Variants in SLC2A9 observed in about 807,000 individuals in gnomAD.
The protein encoded by SLC2A9 is solute carrier family 2 member 9, also known as solute carrier family 2, facilitated glucose transporter member 9.
In SLC2A9, 39 loss-of-function variants were observed where a neutral mutation model predicts 50.6. That is an observed-to-expected ratio of 0.77 (90% CI 0.60 to 1.01). The LOEUF (loss-of-function observed/expected upper bound fraction) is 1.01. Ranked by LOEUF, SLC2A9 falls within the 50% of genes least tolerant of loss-of-function variation. The probability of loss-of-function intolerance (pLI) is 0.00; values close to 1 mark genes in which losing one functional copy is unlikely to be tolerated. For synonymous variants in SLC2A9, 324 were observed against 276.9 expected, an observed-to-expected ratio of 1.17 and a Z score of -1.69; for missense variants, 686 against 677.6, an observed-to-expected ratio of 1.01 and a Z score of -0.14.
rs79040444 is a variant in SLC2A9, at chr4:10,012,397, T to C, written c.249+6578A>G. Among the ~76,000 whole-genome samples the C allele has an allele frequency of 4.0e-3, 606 of 152,320 alleles. 5 individuals are homozygous for C. Among genetic ancestry groups the C allele is most frequent in the African/African-American group, 0.014 (564 of 41,562 alleles). On this transcript the variant is annotated intron_variant, in intron 2 of 11. Transcript: ENST00000264784. ...CTCACTTTAAATTTAAATTTATCCA[T>C]TTGCTCATTTAGCAAATATTTTTTA... is the stretch of plus-strand genomic sequence containing the variant.
At chr4:9,819,264 C>T (rs1724071072) in intron 3 of SLC2A9, among the ~76,000 whole-genome samples, 1 of 152,112 alleles carries the variant, frequency 6.6e-6, no homozygotes, top group Non-Finnish European at 1.5e-5. Flanking sequence ...CACTCTGCTA[C>T]TCCACTGGCT....
At chr4:9,923,566 C>T (rs1240889887) in intron 6 of SLC2A9, among the ~76,000 whole-genome samples, 1 of 152,134 alleles carries the variant, frequency 6.6e-6, no homozygotes, top group East Asian at 1.9e-4. Context: ...CGGCACAGCA[C>T]GGCATGGCAC....
intron 11 of SLC2A9, among the ~76,000 whole-genome samples, chr4:9,833,783 G>A (rs781513140): frequency 8.5e-5 from 13 of 152,184 alleles, no homozygotes; most frequent in Non-Finnish European, 1.5e-4. Flanking sequence ...AGACAGGATT[G>A]AAATAGCTCC....
At chr4:9,974,372 C>G (rs1456161499) in intron 5 of SLC2A9, among the ~76,000 whole-genome samples, 1 of 152,000 alleles carries the variant, frequency 6.6e-6, no homozygotes, top group Middle Eastern at 3.2e-3. Context: ...AGAAAAGACT[C>G]CACCAAAAGT....
At chr4:9,974,893 G>T (rs190255292) in intron 5 of SLC2A9, among the ~76,000 whole-genome samples, 36 of 152,276 alleles carry the variant, frequency 2.4e-4, no homozygotes, top group Non-Finnish European at 4.4e-4. Context: ...TATGGTACTG[G>T]TACAAAAACA....
At chr4:9,992,747 A>G (rs922017947) in intron 3 of SLC2A9, among the ~76,000 whole-genome samples, 2 of 152,210 alleles carry the variant, frequency 1.3e-5, no homozygotes, top group Middle Eastern at 3.2e-3. Context: ...CAACCAAGTT[A>G]TATTTTAGTT....
At chr4:10,022,772 C>T (rs1763592129), upstream of SLC2A9, among the ~76,000 whole-genome samples, 1 of 152,152 alleles carries the variant, frequency 6.6e-6, no homozygotes, top group Non-Finnish European at 1.5e-5. Context: ...GAATGTGAAA[C>T]GCACGTGGAA....
At chr4:9,816,063 A>T (rs1002163422) in intron 3 of SLC2A9, among the ~76,000 whole-genome samples, 18 of 152,058 alleles carry the variant, frequency 1.2e-4, no homozygotes, top group African/African-American at 3.9e-4. Context: ...CCAGCTACTC[A>T]GGAGGCTGAG....
chr4:10,018,910 C>T (rs1407435563), intron 2 of SLC2A9, 65 bp downstream of exon 2: 3 of 1,480,242 alleles, frequency 2.0e-6, no homozygotes, highest in East Asian at 4.9e-5. Context: ...AGCCCAGGGC[C>T]CTTGCGCACC....
chr4:9,956,749 T>C (rs997067847), intron 5 of SLC2A9, among the ~76,000 whole-genome samples: 17 of 124,486 alleles, frequency 1.4e-4, no homozygotes, highest in East Asian at 5.9e-4. Flanking sequence ...CTTTTGTGTA[T>C]TGGGTACCGA....
chr4:9,859,498 A>G (rs1322336799), intron 10 of SLC2A9, among the ~76,000 whole-genome samples: 1 of 152,278 alleles, frequency 6.6e-6, no homozygotes, highest in African/African-American at 2.4e-5. Context: ...TGGTAGAGAT[A>G]GAAATTGATA....
At chr4:9,929,536 A>ACC (rs879465134) in intron 6 of SLC2A9, among the ~76,000 whole-genome samples, 4,602 of 152,264 alleles carry the variant, frequency 0.03, 103 homozygotes, top group African/African-American at 0.061. Context: ...GGGCCTGAGC[A>ACC]TTTGGAGAGG....
At chr4:9,846,279 C>T (rs1433854538) in intron 10 of SLC2A9, among the ~76,000 whole-genome samples, 2 of 152,204 alleles carry the variant, frequency 1.3e-5, no homozygotes, top group South Asian at 4.1e-4. Context: ...GCAAATAGAA[C>T]TCATGCCCTG....
chr4:9,967,507 A>T (rs1753220969), intron 5 of SLC2A9, among the ~76,000 whole-genome samples: 1 of 152,016 alleles, frequency 6.6e-6, no homozygotes, highest in Admixed American at 6.5e-5. Flanking sequence ...ATAATTCTTT[A>T]TGTAAAATGT....
intron 2 of SLC2A9, among the ~76,000 whole-genome samples, chr4:10,005,496 T>C (rs897607042): frequency 2.0e-5 from 3 of 152,274 alleles, no homozygotes; most frequent in African/African-American, 7.2e-5. Flanking sequence ...GTTAAGAATG[T>C]TCTTCATAGG....
chr4:9,795,280 G>A (rs1720463403), downstream of SLC2A9, among the ~76,000 whole-genome samples: 1 of 152,178 alleles, frequency 6.6e-6, no homozygotes, highest in East Asian at 1.9e-4. Flanking sequence ...AAAGTGCTGG[G>A]ATTACAGGCA....
chr4:9,927,438 C>G (rs1037003756), intron 6 of SLC2A9, among the ~76,000 whole-genome samples: 4 of 152,228 alleles, frequency 2.6e-5, no homozygotes, highest in African/African-American at 9.6e-5. Flanking sequence ...GGCCTCTTCC[C>G]TCTTGTGATC....
In SLC2A9 at chr4:9,941,984, C is replaced by T. The variant is rs770184057; in HGVS notation, c.743G>A (p.Ser248Asn). 6.2e-7 allele frequency: 1 copy of T among 1,614,214 alleles called. No homozygotes were observed. The highest frequency in any genetic ancestry group is 2.2e-5 in the East Asian group (1 of 44,884). Reference protein sequence around the residue: ...IVVPAVVQLLSLPFLPDSPRY... With the variant: ...IVVPAVVQLLNLPFLPDSPRY... ...TGGGCTGTCCGGGAGAAAGGGAAGG[C>T]TCAGCAGCTGGACAACGGCAGGGAC... is the stretch of plus-strand genomic sequence containing the variant. Residue 248 changes from serine to asparagine, a missense_variant, in exon 6 of 12, where the codon AGC becomes AAC. By Grantham distance (46) the Ser-to-Asn change is conservative (BLOSUM62 1). Coordinates refer to ENST00000264784, the MANE Select transcript of SLC2A9 (RefSeq NM_020041.3).
intron 3 of SLC2A9, among the ~76,000 whole-genome samples, chr4:9,992,526 C>G (rs1757890442): frequency 6.6e-6 from 1 of 152,184 alleles, no homozygotes; most frequent in African/African-American, 2.4e-5. Context: ...GGTTGAGAAC[C>G]CTTGAACGCA....
Sources: allele counts gnomAD v4.1 joint callset (sites outside exome capture counted in the v4.1 genomes callset), GRCh38; gene constraint gnomAD v4.1.1; transcripts MANE v1.5; gene names NCBI Gene and HGNC (gene_info 2026-07-23, HGNC 2026-07-21).